The following ZFP1 variants were observed in gnomAD, a reference collection of about 807,000 sequenced individuals.
ZFP1 encodes ZFP1 zinc finger protein, also known as zinc finger protein 1 homolog.
In ZFP1, 32 loss-of-function variants were observed where a neutral mutation model predicts 38.5. That is an observed-to-expected ratio of 0.83 (90% CI 0.63 to 1.12). The LOEUF is 1.12. Ranked by LOEUF, ZFP1 falls within the 50% of genes most tolerant of loss-of-function variation. The pLI is 0.00. For missense variants in ZFP1, 616 were observed against 480.8 expected (o/e 1.28, Z -2.63); for synonymous variants, 245 against 168.8 (o/e 1.45, Z -3.50).
intron 2 of ZFP1, among the ~76,000 whole-genome samples, chr16:75,164,944 T>G (rs1449955221): frequency 6.6e-6 from 1 of 152,176 alleles, no homozygotes; most frequent in Admixed American, 6.5e-5. Context: ...TAGCTGGGAT[T>G]ACAGGCATGC....
chr16:75,127,125 A>G, the ZFP1 span, among the ~76,000 whole-genome samples: 1 of 152,240 alleles, frequency 6.6e-6, no homozygotes, highest in African/African-American at 2.4e-5. Flanking sequence ...TGGCTGCTCT[A>G]AAACTTTTTG....
upstream of ZFP1, among the ~76,000 whole-genome samples, chr16:75,143,860 C>A (rs1270006611): frequency 6.6e-6 from 1 of 151,314 alleles, no homozygotes; most frequent in Admixed American, 6.6e-5. Context: ...TGCCATGTTC[C>A]CCAGGCTTGT....
intron 2 of ZFP1, 111 bp downstream of exon 2, chr16:75,153,077 A>G (rs2037289920): frequency 1.4e-6 from 2 of 1,398,200 alleles, no homozygotes; most frequent in African/African-American, 1.5e-5. Context: ...GAAACATAGC[A>G]AGAATAACTA....
At chr16:75,158,640 T>C (rs1172160678) in intron 2 of ZFP1, among the ~76,000 whole-genome samples, 2 of 151,766 alleles carry the variant, frequency 1.3e-5, no homozygotes, top group Non-Finnish European at 2.9e-5. Flanking sequence ...GATTTTTTTT[T>C]TTTTTTTACA....
At chr16:75,151,229 T>A (rs2037190327) in intron 1 of ZFP1, among the ~76,000 whole-genome samples, 1 of 152,058 alleles carries the variant, frequency 6.6e-6, no homozygotes, top group African/African-American at 2.4e-5. Context: ...CCTTTTACTT[T>A]GAATGTAGCT....
Position 75,170,554 on chromosome 16 carries a change from GC to G in ZFP1, c.*222del. ...ATCAGAATATATCCAGTTGTAAATA[GC>G]CATACCCAGTTGTACTACAATGAGC... On this transcript the variant is annotated 3_prime_UTR_variant, in exon 4 of 4. Coordinates refer to ENST00000570010, the MANE Select transcript of ZFP1 (RefSeq NM_153688.4). 1 of 570,500 alleles carries G rather than the reference GC, an allele frequency of 1.8e-6. No individual in the cohort carries two copies. The highest frequency in any genetic ancestry group is 6.1e-5 in the South Asian group (1 of 16,324). 35.3% of individuals were successfully genotyped at this position (570,500 alleles called of 1,614,324 possible). A position where few individuals can be genotyped will look rare whatever the true frequency, so the allele number is the denominator to read the frequency against.
chr16:75,171,452 T>A lies in ZFP1; in HGVS notation c.*1118T>A, dbSNP rs1182521659. Reference sequence around the variant, plus strand: ...GCATTTCTACTTCCTTGAGTTTTGCTGTTGCCAACCTAAAACATTTCCCTT... The same window carrying A: ...GCATTTCTACTTCCTTGAGTTTTGCAGTTGCCAACCTAAAACATTTCCCTT... On this transcript the variant is annotated 3_prime_UTR_variant, in exon 4 of 4. Transcript: ENST00000570010. The A allele has an allele frequency of 6.6e-6, 1 of 152,390 alleles. No homozygotes were observed. Among genetic ancestry groups the A allele is most frequent in the African/African-American group, 2.4e-5 (1 of 41,602 alleles). 9.4% of individuals were successfully genotyped at this position (152,390 alleles called of 1,614,324 possible).
Position 75,166,812 on chromosome 16 carries a change from G to C in ZFP1, c.58G>C (p.Glu20Gln), listed in dbSNP as rs767168661. The C allele has an allele frequency of 6.2e-7, 1 of 1,614,182 alleles. No homozygotes were observed. The highest frequency in any genetic ancestry group is 1.1e-5 in the South Asian group (1 of 91,084). Residue 20 changes from glutamate (E) to glutamine (Q), a missense_variant, in exon 3 of 4, where the codon GAG becomes CAG. Physicochemically the swap from Glu to Gln is conservative, Grantham distance 29. Coordinates refer to ENST00000570010, the MANE Select transcript of ZFP1 (RefSeq NM_153688.4). ...GGATGTGACTGTGGACTTTACCCAGGAGGAATGGGAACAACTGGACCCCTC... is the reference window on the plus strand; with the variant it reads ...GGATGTGACTGTGGACTTTACCCAGCAGGAATGGGAACAACTGGACCCCTC... ...FTDVTVDFTQEEWEQLDPSQR... is the reference protein window; with the variant it reads ...FTDVTVDFTQQEWEQLDPSQR...
At chr16:75,131,864 C>T in the ZFP1 span, among the ~76,000 whole-genome samples, 2 of 151,840 alleles carry the variant, frequency 1.3e-5, no homozygotes, top group Admixed American at 1.3e-4. Context: ...ACTTGGGAGG[C>T]TGAGGTGGGA....
intron 2 of ZFP1, among the ~76,000 whole-genome samples, chr16:75,154,195 G>T (rs1054904712): frequency 1.3e-5 from 2 of 149,942 alleles, no homozygotes; most frequent in Admixed American, 1.4e-4. Context: ...CTGAACTCCA[G>T]CCTGGGCAAC....
the ZFP1 span, among the ~76,000 whole-genome samples, chr16:75,141,195 C>CTTT: frequency 1.7e-3 from 117 of 67,952 alleles, no homozygotes; most frequent in Non-Finnish European, 2.2e-3. Context: ...TTGGGTCATT[C>CTTT]TTTTTTTTTT....
chr16:75,154,713 ATG>A (rs2037385872), intron 2 of ZFP1, among the ~76,000 whole-genome samples: 1 of 152,104 alleles, frequency 6.6e-6, no homozygotes, highest in African/African-American at 2.4e-5. Context: ...AACCTCCTGA[ATG>A]AGAGTTTCTA....
chr16:75,153,321 T>G (rs2037299486), intron 2 of ZFP1, among the ~76,000 whole-genome samples: 1 of 152,182 alleles, frequency 6.6e-6, no homozygotes, highest in Non-Finnish European at 1.5e-5. Flanking sequence ...TTGTATGTAT[T>G]TGGTTTTTCC....
chr16:75,122,770 A>G, the ZFP1 span, among the ~76,000 whole-genome samples: 1 of 152,262 alleles, frequency 6.6e-6, no homozygotes, highest in East Asian at 1.9e-4. Context: ...AAGCTAAATT[A>G]TAAGTTCCTC....
rs765371326 is a variant in ZFP1, at chr16:75,169,381, A to T, written c.271A>T (p.Asn91Tyr). ...ERGDLFGKAL[N>Y]LNTDFVSLRQ... ...AGGCGATCTCTTTGGAAAAGCACTT[A>T]ATCTGAACACAGACTTTGTTTCTTT... is the stretch of plus-strand genomic sequence containing the variant. The change falls in exon 4 of 4, where the codon AAT (asparagine) becomes TAT (tyrosine). Residue 91 changes from asparagine (N) to tyrosine (Y), a missense_variant. Asn to Tyr is a moderately radical substitution (Grantham distance 143). Coordinates refer to ENST00000570010, the MANE Select transcript of ZFP1 (RefSeq NM_153688.4). 6 of 1,614,150 alleles carry T rather than the reference A, an allele frequency of 3.7e-6. No individual in the cohort carries two copies. Among genetic ancestry groups the T allele is most frequent in the Non-Finnish European group, 3.4e-6 (4 of 1,180,014 alleles).
the ZFP1 span, among the ~76,000 whole-genome samples, chr16:75,126,894 A>G: frequency 6.6e-6 from 1 of 152,332 alleles, no homozygotes; most frequent in South Asian, 2.1e-4. Context: ...TATTTGGTCT[A>G]AAAATTATAC....
the ZFP1 span, among the ~76,000 whole-genome samples, chr16:75,139,021 A>C: frequency 6.6e-6 from 1 of 152,074 alleles, no homozygotes; most frequent in African/African-American, 2.4e-5. Context: ...AAAACATCGG[A>C]TACATTTCAA....
At chr16:75,162,566 T>C (rs2037842460) in intron 2 of ZFP1, among the ~76,000 whole-genome samples, 1 of 152,166 alleles carries the variant, frequency 6.6e-6, no homozygotes, top group Non-Finnish European at 1.5e-5. Context: ...ATGTGCAGAT[T>C]TGTTACATAG....
intron 1 of ZFP1, among the ~76,000 whole-genome samples, chr16:75,151,876 G>A (rs1164942663): frequency 2.0e-5 from 3 of 152,068 alleles, no homozygotes; most frequent in Admixed American, 6.5e-5. Flanking sequence ...CAGGTCTACT[G>A]ATAATGAATT....
Sources: allele counts gnomAD v4.1 joint callset (sites outside exome capture counted in the v4.1 genomes callset), GRCh38; gene constraint gnomAD v4.1.1; transcripts MANE v1.5; gene names NCBI Gene and HGNC (gene_info 2026-07-23, HGNC 2026-07-21).